Variants in POLR1A observed in about 807,000 individuals in gnomAD.
POLR1A encodes the protein RNA polymerase I subunit A.
A neutral mutation model predicts 205.3 loss-of-function variants in POLR1A; 84 were observed. The ratio of observed to expected loss-of-function variants is 0.41; its 90% CI spans 0.34 to 0.49. The LOEUF (loss-of-function observed/expected upper bound fraction) is 0.49, where lower values mean the gene tolerates loss of function less well. Ranked by LOEUF, POLR1A falls within the 20% of genes least tolerant of loss-of-function variation. The pLI is 0.22. For synonymous variants in POLR1A, 799 were observed against 863.7 expected (o/e 0.93, Z 1.31); for missense variants, 1,645 against 2,204.5 (o/e 0.75, Z 5.08).
rs1304156458 is a variant in POLR1A, at chr2:86,026,342, A to AC, written c.*1080dup. The AC allele has an allele frequency of 6.6e-6, 1 of 152,234 alleles. No homozygotes were observed. Among genetic ancestry groups the AC allele is most frequent in the East Asian group, 1.9e-4 (1 of 5,204 alleles). 9.4% of individuals were successfully genotyped at this position (152,234 alleles called of 1,614,324 possible). The stretch of plus-strand genomic sequence containing the variant: ...AAGGGAAAAAATTGTTGTAAAAAAA[A>AC]CCAAGTTTTTTTTCTTTCCTAATAG... On this transcript the variant is annotated 3_prime_UTR_variant, in exon 34 of 34. Transcript: ENST00000263857.
intron 12 of POLR1A, among the ~76,000 whole-genome samples, chr2:86,073,220 A>T (rs1411559863): frequency 6.6e-6 from 1 of 151,512 alleles, no homozygotes; most frequent in Non-Finnish European, 1.5e-5. Flanking sequence ...AAATAAAAAA[A>T]AAAAAAATGA....
intron 24 of POLR1A, among the ~76,000 whole-genome samples, chr2:86,041,199 A>C (rs1672597604): frequency 9.5e-6 from 1 of 104,750 alleles, no homozygotes; most frequent in African/African-American, 4.0e-5. Context: ...GTGCGCGCTG[A>C]GCTACAGTGT....
At chr2:86,082,055 C>T (rs952766284) in intron 7 of POLR1A, among the ~76,000 whole-genome samples, 2 of 152,076 alleles carry the variant, frequency 1.3e-5, no homozygotes, top group South Asian at 2.1e-4. Flanking sequence ...AGGCTGGTCT[C>T]GAACTCCTGG....
chr2:86,061,481 TTAAACACA>T (rs1374047306), intron 14 of POLR1A, among the ~76,000 whole-genome samples: 1 of 152,220 alleles, frequency 6.6e-6, no homozygotes, highest in Non-Finnish European at 1.5e-5. Context: ...TCTATTAAAG[TTAAACACA>T]TATCTTATGA....
chr2:86,087,324 A>AG, intron 6 of POLR1A, among the ~76,000 whole-genome samples: 1 of 152,220 alleles, frequency 6.6e-6, no homozygotes, highest in East Asian at 1.9e-4. Flanking sequence ...CATCTCCAGG[A>AG]GGGGATCTTA....
chr2:86,049,634 A>C (rs191000645), intron 16 of POLR1A, among the ~76,000 whole-genome samples: 1 of 152,346 alleles, frequency 6.6e-6, no homozygotes, highest in East Asian at 1.9e-4. Context: ...AGATAAGCTC[A>C]GGGAAAAAGA....
intron 19 of POLR1A, 36 bp downstream of exon 19, chr2:86,047,129 A>G: frequency 6.9e-7 from 1 of 1,445,390 alleles, no homozygotes; most frequent in East Asian, 2.3e-5. Context: ...GCCTTTGCTG[A>G]CACCTGTAAA....
rs1003776746 is a variant in POLR1A, at chr2:86,092,824, C to CA, written c.433-2896dup. Reference sequence around the variant, plus strand: ...TGGGCAACAGAGTGAGACTCTCTCTCAAAAAAAAAGAAAGAATTATGTTAC... The same window carrying CA: ...TGGGCAACAGAGTGAGACTCTCTCTCAAAAAAAAAAGAAAGAATTATGTTAC... On this transcript the variant is annotated intron_variant, in intron 3 of 33. Transcript: ENST00000263857. 8.0e-5 allele frequency among the ~76,000 whole-genome samples: 12 copies of CA among 149,266 alleles called. No individual in the cohort carries two copies. In the East Asian group the frequency reaches 1.4e-3, roughly 17 times the overall value.
intron 2 of POLR1A, 102 bp downstream of exon 2, chr2:86,099,866 T>C (rs1415912213): frequency 6.9e-6 from 6 of 867,780 alleles, no homozygotes; most frequent in Admixed American, 4.2e-5. Context: ...TTCATTGGAG[T>C]GCCTGGGGCT....
Position 86,039,369 on chromosome 2 carries a change from C to G in POLR1A, c.3834G>C (p.Val1278=), listed in dbSNP as rs376094607. 1.2e-5 allele frequency: 20 copies of G among 1,614,048 alleles called. No individual in the cohort carries two copies. In the African/African-American group the frequency reaches 2.7e-4, roughly 22 times the overall value. ...VLNTKKALKR[V]KSLKKQLTRV... ...TGGTGAGTTGCTTCTTCAGGCTTTT[C>G]ACTCTCTTCAGGGCTTTCTTGGTGT... Residue 1278 remains valine (V), a synonymous_variant, in exon 26 of 34, where the codon GTG becomes GTC. Coordinates refer to ENST00000263857, the MANE Select transcript of POLR1A (RefSeq NM_015425.6).
intron 1 of POLR1A, among the ~76,000 whole-genome samples, chr2:86,103,628 G>GAC (rs1418250864): frequency 1.1e-4 from 17 of 152,112 alleles, no homozygotes; most frequent in Non-Finnish European, 2.4e-4. Context: ...GGAATTTCTG[G>GAC]GCTAGCACAC....
chr2:86,056,388 G>A (rs1432452316), intron 14 of POLR1A, among the ~76,000 whole-genome samples: 4 of 151,844 alleles, frequency 2.6e-5, no homozygotes, highest in Non-Finnish European at 5.9e-5. Flanking sequence ...GGAATTGGAG[G>A]TTGCAGTGAG....
chr2:86,065,465 C>A lies in POLR1A; in HGVS notation c.1867G>T (p.Asp623Tyr), dbSNP rs758044414. The change falls in exon 14 of 34, where the codon GAT becomes TAT. Residue 623 changes from aspartate to tyrosine, a missense_variant and splice_region_variant. Asp to Tyr is a radical substitution (Grantham distance 160). This residue lies in a region of POLR1A where 24 missense variants were observed against 52.1 expected (regional missense o/e 0.46). Coordinates refer to ENST00000263857, the MANE Select transcript of POLR1A (RefSeq NM_015425.6). ...CTDQQYLVPK[D>Y]GQPLAGLIQD... ...ATCAGTCCCGCCAATGGTTGGCCAT[C>A]CTATAAGCCAAAACAGACAACACAA... is the stretch of plus-strand genomic sequence containing the variant. 1 of 1,611,768 alleles carries A rather than the reference C, an allele frequency of 6.2e-7. No homozygotes were observed. The highest frequency in any genetic ancestry group is 1.3e-5 in the African/African-American group (1 of 74,808).
chr2:86,057,562 A>T (rs2104402784), intron 14 of POLR1A, among the ~76,000 whole-genome samples: 1 of 152,392 alleles, frequency 6.6e-6, no homozygotes, highest in Admixed American at 6.5e-5. Context: ...AAACAATCCA[A>T]ATTATCCATT....
intron 13 of POLR1A, among the ~76,000 whole-genome samples, chr2:86,068,368 C>T (rs1230251471): frequency 1.8e-5 from 2 of 112,168 alleles, no homozygotes; most frequent in African/African-American, 7.6e-5. Context: ...TAAGAACACG[C>T]ACAGCCAAGC....
At chr2:86,090,136 G>A (rs1673575596) in intron 3 of POLR1A, among the ~76,000 whole-genome samples, 1 of 152,168 alleles carries the variant, frequency 6.6e-6, no homozygotes, top group African/African-American at 2.4e-5. Context: ...GCTCACACCT[G>A]TAATCCCAGC....
intron 15 of POLR1A, among the ~76,000 whole-genome samples, chr2:86,053,322 C>A (rs1227597520): frequency 6.6e-6 from 1 of 151,968 alleles, no homozygotes; most frequent in Admixed American, 6.6e-5. Context: ...CCCACACCCA[C>A]CCACGCTGAC....
chr2:86,097,214 C>CAAAAAAAAAAAA (rs757210116), intron 3 of POLR1A, among the ~76,000 whole-genome samples: 1,174 of 39,696 alleles, frequency 0.03, 407 homozygotes, highest in Non-Finnish European at 0.038. Flanking sequence ...CCCCAAAAGA[C>CAAAAAAAAAAAA]AAAAAAAAAA....
In POLR1A at chr2:86,022,238, TTTC is replaced by T. The variant is rs1307046197; in HGVS notation, c.*5182_*5184del. The T allele has an allele frequency of 1.3e-5, 2 of 152,272 alleles. No homozygotes were observed. Among genetic ancestry groups the T allele is most frequent in the African/African-American group, 2.4e-5 (1 of 41,446 alleles). The allele number at this position is 152,272 out of a possible 1,614,324, so 9.4% of individuals were successfully genotyped here. ...AGGTTTCTGCTGGAAGCATCATCCCTTTCTTCTTTCAGGCTTTGTTGAGCCCCA... is the reference window on the plus strand; with the variant it reads ...AGGTTTCTGCTGGAAGCATCATCCCTTTCTTTCAGGCTTTGTTGAGCCCCA... On this transcript the variant is annotated 3_prime_UTR_variant, in exon 34 of 34. Coordinates refer to ENST00000263857, the MANE Select transcript of POLR1A (RefSeq NM_015425.6).
Sources: gnomAD v4.1 joint callset for allele counts (sites outside exome capture counted in the v4.1 genomes callset) on GRCh38, gnomAD v4.1.1 for gene constraint, gnomAD v4.1.1 regional missense constraint, MANE v1.5 for transcripts, NCBI Gene and HGNC (gene_info 2026-07-23, HGNC 2026-07-21) for gene names.